The following PCDHA2 variants were observed in gnomAD, a reference collection of about 807,000 sequenced individuals.
PCDHA2 encodes protocadherin alpha 2.
PCDHA2 carries 58 observed loss-of-function variants against 66.0 expected under a neutral mutation model. That is an observed-to-expected ratio of 0.88 (90% CI 0.71 to 1.09). The LOEUF is 1.09. PCDHA2 is among the 50% of genes least tolerant of loss of function. The pLI, the probability that PCDHA2 is intolerant of heterozygous loss-of-function variation, is 0.00. For synonymous variants in PCDHA2, 634 were observed against 554.0 expected (o/e 1.14, Z -2.03); for missense variants, 1,267 against 1,242.3 (o/e 1.02, Z -0.30).
intron 3 of PCDHA2, among the ~76,000 whole-genome samples, chr5:140,984,112 A>G (rs2097087288): frequency 6.6e-6 from 1 of 152,244 alleles, no homozygotes; most frequent in Admixed American, 6.5e-5. Flanking sequence ...GTGGTTTTAG[A>G]CTGCCAAGTG....
chr5:140,921,131 C>A (rs532456439), intron 1 of PCDHA2, among the ~76,000 whole-genome samples: 1 of 133,054 alleles, frequency 7.5e-6, no homozygotes, highest in East Asian at 2.3e-4. Flanking sequence ...CAGGTGCACA[C>A]CACTACACCC....
chr5:140,915,458 G>T (rs1172885235), intron 1 of PCDHA2, among the ~76,000 whole-genome samples: 11 of 152,126 alleles, frequency 7.2e-5, no homozygotes, highest in African/African-American at 2.2e-4. Flanking sequence ...TTTCCAGAAG[G>T]TTTTTATTTG....
chr5:140,966,732 G>T (rs2153748727), intron 1 of PCDHA2: 1 of 1,415,600 alleles, frequency 7.1e-7, no homozygotes, highest in African/African-American at 1.5e-5. Context: ...GCCGCCTCCG[G>T]CCCTGCCCGG....
chr5:140,858,438 T>C (rs1175682550), intron 1 of PCDHA2: 1 of 1,540,812 alleles, frequency 6.5e-7, no homozygotes, highest in Admixed American at 2.0e-5. Context: ...TCTAGGAAGG[T>C]GGGTTATTAC....
intron 1 of PCDHA2, chr5:140,967,309 A>G (rs782218334): frequency 6.2e-7 from 1 of 1,611,224 alleles, no homozygotes; most frequent in East Asian, 2.2e-5. Context: ...GCGCCAACTC[A>G]GTACAGACCT....
intron 1 of PCDHA2, chr5:140,883,816 G>A (rs1217152310): frequency 1.9e-6 from 3 of 1,612,522 alleles, no homozygotes; most frequent in Non-Finnish European, 2.5e-6. Context: ...AGAGCGGCAA[G>A]GTGTACGCGC....
At chr5:140,840,408 T>G (rs1310565539) in intron 1 of PCDHA2, among the ~76,000 whole-genome samples, 6 of 151,960 alleles carry the variant, frequency 3.9e-5, no homozygotes, top group Admixed American at 2.0e-4. Context: ...TTAAGAATAC[T>G]TCAAATAATA....
In PCDHA2 at chr5:140,795,237, C is replaced by T. The variant is rs371766953; in HGVS notation, c.273C>T (p.Asp91=). 377 of 1,614,204 alleles carry T rather than the reference C, an allele frequency of 2.3e-4. No homozygotes were observed. The highest frequency in any genetic ancestry group is 3.0e-4 in the Non-Finnish European group (351 of 1,180,036). ...NGILFVNSRI[D]REELCGRSAE... ...TTTTGTTTGTGAATTCTCGGATCGACCGGGAGGAGCTGTGCGGGCGGAGCG... is the reference window on the plus strand; with the variant it reads ...TTTTGTTTGTGAATTCTCGGATCGATCGGGAGGAGCTGTGCGGGCGGAGCG... The change falls in exon 1 of 4, where the codon GAC becomes GAT. Residue 91 remains aspartate (D), a synonymous_variant. Coordinates refer to ENST00000526136, the MANE Select transcript of PCDHA2 (RefSeq NM_018905.3).
At chr5:140,932,491 T>C (rs1041440008) in intron 1 of PCDHA2, among the ~76,000 whole-genome samples, 11 of 151,918 alleles carry the variant, frequency 7.2e-5, no homozygotes, top group Non-Finnish European at 1.6e-4. Flanking sequence ...CTCTTTGCAA[T>C]GTCATTTGTT....
chr5:140,845,304 G>T (rs180945662), intron 1 of PCDHA2, among the ~76,000 whole-genome samples: 1 of 149,326 alleles, frequency 6.7e-6, no homozygotes, highest in African/African-American at 2.4e-5. Context: ...ATGTCTACCT[G>T]GTTCTCAGGT....
chr5:140,838,280 A>ATTTTTTTTTT (rs34299325), intron 1 of PCDHA2, among the ~76,000 whole-genome samples: 1 of 139,572 alleles, frequency 7.2e-6, no homozygotes, highest in African/African-American at 2.7e-5. Flanking sequence ...AGCCATGCTA[A>ATTTTTTTTTT]TTTTTTTTTT....
chr5:140,928,814 A>G, intron 1 of PCDHA2: 1 of 1,614,150 alleles, frequency 6.2e-7, no homozygotes, highest in East Asian at 2.2e-5. Context: ...GTTCGGGACC[A>G]TGGAGACCCA....
intron 1 of PCDHA2, among the ~76,000 whole-genome samples, chr5:140,955,559 A>G (rs1220948022): frequency 6.6e-6 from 1 of 152,164 alleles, no homozygotes; most frequent in African/African-American, 2.4e-5. Flanking sequence ...CTCCCCAGCC[A>G]TACTGAACTG....
At chr5:140,895,863 G>A (rs1450764434) in intron 1 of PCDHA2, among the ~76,000 whole-genome samples, 3 of 152,162 alleles carry the variant, frequency 2.0e-5, no homozygotes, top group African/African-American at 7.2e-5. Flanking sequence ...CCAGGCTGGA[G>A]TGCAATGGCG....
chr5:140,978,978 C>T lies in PCDHA2; in HGVS notation c.2418C>T (p.Tyr806=). Residue 806 remains tyrosine (Y), a synonymous_variant, in exon 2 of 4, where the codon TAC becomes TAT. Coordinates refer to ENST00000526136, the MANE Select transcript of PCDHA2 (RefSeq NM_018905.3). ...KPRQPNPDWR[Y]SASLRAGMHS... ...GACAGCCCAACCCTGACTGGCGTTA[C>T]TCTGCCTCCCTGAGAGCAGGCATGC... 1 of 1,614,204 alleles carries T rather than the reference C, an allele frequency of 6.2e-7. No homozygotes were observed. The highest frequency in any genetic ancestry group is 8.5e-7 in the Non-Finnish European group (1 of 1,180,030).
Position 141,010,120 on chromosome 5 carries a change from C to T in PCDHA2, c.*183C>T, listed in dbSNP as rs1554262685. 6.2e-7 allele frequency: 1 copy of T among 1,607,404 alleles called. No homozygotes were observed. Among genetic ancestry groups the T allele is most frequent in the Admixed American group, 1.7e-5 (1 of 58,482 alleles). ...AACAGGTTTTGTCGTAAAAGCTTTACTAAGTCTGGTGTTAACTCTTTCTCT... is the reference window on the plus strand; with the variant it reads ...AACAGGTTTTGTCGTAAAAGCTTTATTAAGTCTGGTGTTAACTCTTTCTCT... On this transcript the variant is annotated 3_prime_UTR_variant, in exon 4 of 4. Coordinates refer to ENST00000526136, the MANE Select transcript of PCDHA2 (RefSeq NM_018905.3).
intron 1 of PCDHA2, chr5:140,804,998 A>G: frequency 6.5e-7 from 1 of 1,532,070 alleles, no homozygotes; most frequent in South Asian, 1.2e-5. Flanking sequence ...TATTTTAAAA[A>G]TTTAGTTCTG....
rs1399480801 is a variant in PCDHA2, at chr5:140,951,947, C to T, written c.2389-27002C>T. On this transcript the variant is annotated intron_variant, in intron 1 of 3. Transcript: ENST00000526136. ...TTACTCCCAAGATACAGTGCGGGTA[C>T]AGGCATTGGGTAAATACTCCTGTTC... is the stretch of plus-strand genomic sequence containing the variant. 5.3e-5 allele frequency among the ~76,000 whole-genome samples: 8 copies of T among 152,250 alleles called. No individual in the cohort carries two copies. In the East Asian group the frequency reaches 1.5e-3, roughly 29 times the overall value.
intron 1 of PCDHA2, chr5:140,828,964 CCACTTTAGCA>C (rs1251585912): frequency 6.2e-7 from 1 of 1,614,030 alleles, no homozygotes; most frequent in African/African-American, 1.3e-5. Context: ...TGGTTATTGA[CCACTTTAGCA>C]TAGATCGAAA....
Sources: allele counts gnomAD v4.1 joint callset (sites outside exome capture counted in the v4.1 genomes callset), GRCh38; gene constraint gnomAD v4.1.1; transcripts MANE v1.5; gene names NCBI Gene and HGNC (gene_info 2026-07-23, HGNC 2026-07-21).